NLK: variants seen among roughly 807,000 people sequenced by gnomAD.
NLK encodes nemo like kinase.
Under a neutral mutation model 59.0 loss-of-function variants are expected in NLK, and 11 were observed. The ratio of observed to expected loss-of-function variants is 0.19; its 90% CI spans 0.12 to 0.31. The LOEUF (loss-of-function observed/expected upper bound fraction) is 0.31, where lower values mean the gene tolerates loss of function less well. Among genes scored for constraint, NLK ranks in the 10% least tolerant of loss-of-function variants. NLK has a pLI of 1.00. For synonymous variants in NLK, 235 were observed against 235.9 expected (o/e 1.00, Z 0.03); for missense variants, 410 against 661.1 (o/e 0.62, Z 4.16).
chr17:28,161,340 A>G, intron 4 of NLK, 74 bp downstream of exon 4: 1 of 790,190 alleles, frequency 1.3e-6, no homozygotes, highest in Non-Finnish European at 2.2e-6. Flanking sequence ...TTAGACTTTA[A>G]TCCGATCTTC....
chr17:28,056,947 CT>C (rs934652705), intron 1 of NLK, among the ~76,000 whole-genome samples: 1,377 of 86,928 alleles, frequency 0.016, 4 homozygotes, highest in African/African-American at 0.031. Flanking sequence ...CATTACCTAC[CT>C]TTTTTTTTTT....
intron 3 of NLK, among the ~76,000 whole-genome samples, chr17:28,142,867 T>G (rs558719470): frequency 6.6e-6 from 1 of 152,192 alleles, no homozygotes; most frequent in Admixed American, 6.5e-5. Flanking sequence ...AACTGTGTTA[T>G]TGCTTAAGCA....
At chr17:28,169,544 T>G (rs897027781) in intron 6 of NLK, among the ~76,000 whole-genome samples, 2 of 152,198 alleles carry the variant, frequency 1.3e-5, no homozygotes, top group African/African-American at 2.4e-5. Context: ...CTAATACACA[T>G]ATTGACATAA....
intron 3 of NLK, 104 bp from the exon 4 acceptor site, chr17:28,161,056 A>T (rs1047143563): frequency 1.5e-6 from 1 of 653,278 alleles, no homozygotes; most frequent in Non-Finnish European, 2.8e-6. Flanking sequence ...TTCTTTCCCC[A>T]CTTTTCCAGC....
chr17:28,091,723 G>A (rs1329656721), intron 1 of NLK, among the ~76,000 whole-genome samples: 2 of 152,298 alleles, frequency 1.3e-5, no homozygotes, highest in South Asian at 2.1e-4. Flanking sequence ...AGTCTGATCT[G>A]TGGGTCATTT....
intron 1 of NLK, among the ~76,000 whole-genome samples, chr17:28,108,886 A>G (rs935028519): frequency 2.0e-5 from 3 of 152,158 alleles, no homozygotes; most frequent in African/African-American, 7.2e-5. Context: ...TTAAGATTTT[A>G]GGCCGGGCGC....
At chr17:28,148,839 G>C (rs1169151318) in intron 3 of NLK, among the ~76,000 whole-genome samples, 1 of 152,188 alleles carries the variant, frequency 6.6e-6, no homozygotes, top group Non-Finnish European at 1.5e-5. Flanking sequence ...ATGAATAAAA[G>C]TACTTGGGTG....
chr17:28,153,831 A>C (rs778912348), intron 3 of NLK, among the ~76,000 whole-genome samples: 1 of 152,176 alleles, frequency 6.6e-6, no homozygotes, highest in Non-Finnish European at 1.5e-5. Context: ...GTGATTTCCT[A>C]GTGGAAAAGA....
rs112030864 is a variant in NLK at position 28,126,365 on chromosome 17, A to G, written c.588+3633A>G. Among the ~76,000 whole-genome samples the G allele has an allele frequency of 6.4e-3, 981 of 152,356 alleles. 15 individuals are homozygous for G. The highest frequency in any genetic ancestry group is 0.022 in the African/African-American group (915 of 41,578). ...CTGATTTTTTAAAGCTTCTCAGGTG[A>G]CAGGCAAGTACCATAATATTAAGAA... On this transcript the variant is annotated intron_variant, in intron 2 of 10. Coordinates refer to ENST00000407008, the MANE Select transcript of NLK (RefSeq NM_016231.5).
intron 1 of NLK, among the ~76,000 whole-genome samples, chr17:28,112,485 A>C (rs541127348): frequency 1.8e-4 from 27 of 152,244 alleles, no homozygotes; most frequent in African/African-American, 5.8e-4. Flanking sequence ...AAATTTCAGC[A>C]GTTTTTTGTA....
chr17:28,185,874 AT>A (rs1165616453), intron 8 of NLK, among the ~76,000 whole-genome samples: 1 of 152,164 alleles, frequency 6.6e-6, no homozygotes, highest in African/African-American at 2.4e-5. Context: ...TGAAAAAAAA[AT>A]CTGACCATTA....
At chr17:28,117,752 T>C (rs1905843249) in intron 1 of NLK, among the ~76,000 whole-genome samples, 1 of 152,184 alleles carries the variant, frequency 6.6e-6, no homozygotes, top group South Asian at 2.1e-4. Context: ...TTCTTATGCA[T>C]ACAGCTAACC....
chr17:28,193,013 T>C (rs1395605989), intron 10 of NLK, among the ~76,000 whole-genome samples: 2 of 152,258 alleles, frequency 1.3e-5, no homozygotes, highest in Non-Finnish European at 2.9e-5. Context: ...CTTGTCTGTC[T>C]GTCCTTTCCT....
In NLK at chr17:28,078,812, TAG is replaced by T. The variant is rs1351748760; in HGVS notation, c.458+35482_458+35483del. 1.6e-4 allele frequency among the ~76,000 whole-genome samples: 24 copies of T among 152,240 alleles called. No individual in the cohort carries two copies. The East Asian group carries it at 3.7e-3, about 23-fold the overall frequency. ...TGTGAATAAAGTTCATCTGTAGTCC[TAG>T]CAAGGCATTAAAGGACCCTTAAAAA... On this transcript the variant is annotated intron_variant, in intron 1 of 10. Coordinates refer to ENST00000407008, the MANE Select transcript of NLK (RefSeq NM_016231.5).
At chr17:28,062,157 AAGAG>A (rs1194374518) in intron 1 of NLK, 3 of 152,084 alleles carry the variant, frequency 2.0e-5, no homozygotes, top group South Asian at 2.1e-4. Context: ...AAGTGTCAGA[AAGAG>A]AGAGCGAGAG....
intron 2 of NLK, among the ~76,000 whole-genome samples, chr17:28,127,076 C>G (rs1158739153): frequency 6.6e-6 from 1 of 152,020 alleles, no homozygotes; most frequent in Admixed American, 6.6e-5. Flanking sequence ...TGCCAAGAGC[C>G]CCTGTAACGC....
chr17:28,126,812 G>A (rs1371844251), intron 2 of NLK, among the ~76,000 whole-genome samples: 1 of 152,136 alleles, frequency 6.6e-6, no homozygotes, highest in Non-Finnish European at 1.5e-5. Flanking sequence ...CTTATTACTA[G>A]TATCTATCTG....
chr17:28,129,536 A>G (rs941323974), intron 2 of NLK, among the ~76,000 whole-genome samples: 15 of 152,170 alleles, frequency 9.9e-5, no homozygotes, highest in African/African-American at 3.4e-4. Context: ...ATAAAAATGG[A>G]TCAAGTTATA....
At chr17:28,058,351 G>C (rs1390357593) in intron 1 of NLK, among the ~76,000 whole-genome samples, 1 of 152,086 alleles carries the variant, frequency 6.6e-6, no homozygotes, top group Non-Finnish European at 1.5e-5. Flanking sequence ...TCTGTAGGTG[G>C]GCAAACTTTA....
Sources: gnomAD v4.1 joint callset for allele counts (sites outside exome capture counted in the v4.1 genomes callset) on GRCh38, gnomAD v4.1.1 for gene constraint, MANE v1.5 for transcripts, NCBI Gene and HGNC (gene_info 2026-07-23, HGNC 2026-07-21) for gene names.